Variants in ESF1 observed in about 807,000 individuals in gnomAD.
ESF1 encodes ESF1 nucleolar pre-rRNA processing protein, also known as ESF1 homolog.
Under a neutral mutation model 92.0 loss-of-function variants are expected in ESF1, and 58 were observed. The observed-to-expected ratio is 0.63, with a 90% CI of 0.51 to 0.78. The LOEUF (loss-of-function observed/expected upper bound fraction) is 0.78, where lower values mean the gene tolerates loss of function less well. Ranked by LOEUF, ESF1 falls within the 30% of genes least tolerant of loss-of-function variation. ESF1 has a pLI of 0.00. For synonymous variants in ESF1, 321 were observed against 313.7 expected (o/e 1.02, Z -0.24); for missense variants, 922 against 989.1 (o/e 0.93, Z 0.91).
intron 9 of ESF1, among the ~76,000 whole-genome samples, chr20:13,754,285 C>A (rs1978778643): frequency 6.6e-6 from 1 of 152,098 alleles, no homozygotes; most frequent in Non-Finnish European, 1.5e-5. Flanking sequence ...GGCTGAATAC[C>A]CCGCAATTCT....
chr20:13,749,897 C>T (rs191764091), intron 9 of ESF1, among the ~76,000 whole-genome samples: 16 of 152,134 alleles, frequency 1.1e-4, no homozygotes, highest in Non-Finnish European at 2.2e-4. Flanking sequence ...CATTTGATTA[C>T]AGCTATCCCA....
intron 2 of ESF1, among the ~76,000 whole-genome samples, chr20:13,777,076 T>G (rs1022141903): frequency 1.3e-4 from 20 of 152,204 alleles, no homozygotes; most frequent in Admixed American, 1.3e-4. Context: ...ACTTGCATAT[T>G]GAGGAGATCA....
chr20:13,717,635 G>A (rs950688471), intron 12 of ESF1, 121 bp from the exon 13 acceptor site: 17 of 1,040,954 alleles, frequency 1.6e-5, no homozygotes, highest in Admixed American at 5.0e-5. Flanking sequence ...GAACTCTGGG[G>A]TACCACCTGT....
intron 9 of ESF1, among the ~76,000 whole-genome samples, chr20:13,735,342 T>C (rs2049969496): frequency 6.6e-6 from 1 of 152,154 alleles, no homozygotes. Flanking sequence ...GATTTGTTTT[T>C]ATGACATACT....
intron 2 of ESF1, 100 bp downstream of exon 2, chr20:13,782,401 CATA>C: frequency 1.0e-6 from 1 of 998,314 alleles, no homozygotes; most frequent in Non-Finnish European, 1.4e-6. Flanking sequence ...TTGACCATTC[CATA>C]ATACTATGAA....
chr20:13,774,285 T>TGC (rs5840577), intron 4 of ESF1, among the ~76,000 whole-genome samples: 1 of 141,886 alleles, frequency 7.0e-6, no homozygotes, highest in African/African-American at 2.6e-5. Context: ...AAATCCAAAA[T>TGC]TCCAAACTTT....
chr20:13,749,766 C>G (rs923679574), intron 9 of ESF1, among the ~76,000 whole-genome samples: 5 of 151,766 alleles, frequency 3.3e-5, no homozygotes, highest in African/African-American at 4.8e-5. Flanking sequence ...GGGGTTTCAC[C>G]ATGTTGGCCA....
rs1010295250 is a variant in ESF1 at position 13,775,497 on chromosome 20, T to A, written c.1036-227A>T. On this transcript the variant is annotated intron_variant, in intron 3 of 13. Transcript: ENST00000617257. ...TCTTACTTGGTTCTTAATTCTTAAA[T>A]CAGAACATGATCATGAGCTGATTTT... Among the ~76,000 whole-genome samples, 12 of 152,316 alleles carry A rather than the reference T, an allele frequency of 7.9e-5. 1 individual carries two copies. The highest frequency in any genetic ancestry group is 6.8e-3 in the Middle Eastern group (2 of 294).
chr20:13,759,090 G>A (rs1241247467), intron 9 of ESF1, among the ~76,000 whole-genome samples: 4 of 152,090 alleles, frequency 2.6e-5, no homozygotes, highest in African/African-American at 7.2e-5. Flanking sequence ...GTATCTTATT[G>A]TACTATACTG....
chr20:13,718,754 T>TAAAAAACAAAAAACAAAAAACA (rs77388094), intron 12 of ESF1, among the ~76,000 whole-genome samples, 154 bp downstream of exon 12: 1 of 152,242 alleles, frequency 6.6e-6, no homozygotes, highest in South Asian at 2.1e-4. Flanking sequence ...ATTTAGAAAC[T>TAAAAAACAAAAAACAAAAAACA]ACACTGCTAA....
Position 13,782,594 on chromosome 20 carries a change from C to A in ESF1, c.547G>T (p.Glu183Ter). Reference sequence around the variant, plus strand: ...CCTGAGTCTAATGTCCTTTGTTTTTCTTCGAGAGAAGAGTCTGTAGTATGT... The same window carrying A: ...CCTGAGTCTAATGTCCTTTGTTTTTATTCGAGAGAAGAGTCTGTAGTATGT... ...VQHTTDSSLE[E>*]KQRTLDSGTS... The change falls in exon 2 of 14, where the codon GAA (glutamate) becomes TAA (stop). Residue 183 changes from glutamate to a stop codon, truncating the protein, a stop_gained. Coordinates refer to ENST00000617257, the MANE Select transcript of ESF1 (RefSeq NM_001276380.2). LOFTEE classifies it high-confidence loss of function. 1 of 1,595,280 alleles carries A rather than the reference C, an allele frequency of 6.3e-7. No individual in the cohort carries two copies. The highest frequency in any genetic ancestry group is 2.3e-5 in the East Asian group (1 of 44,402).
At chr20:13,748,497 CATATATACACAT>C (rs1466445221) in intron 9 of ESF1, among the ~76,000 whole-genome samples, 75 of 138,902 alleles carry the variant, frequency 5.4e-4, no homozygotes, top group Non-Finnish European at 8.1e-4. Context: ...CATATATATA[CATATATACACAT>C]ATATATACAC....
chr20:13,740,906 C>T (rs888122772), intron 9 of ESF1, among the ~76,000 whole-genome samples: 5 of 152,104 alleles, frequency 3.3e-5, no homozygotes, highest in Admixed American at 6.5e-5. Flanking sequence ...AGTAAAATTG[C>T]CCCTTCCCAG....
In ESF1 at chr20:13,714,981, T is replaced by G. The variant is rs2147710725; in HGVS notation, c.2449A>C (p.Lys817Gln). The G allele has an allele frequency of 2.5e-6, 4 of 1,614,108 alleles. No homozygotes were observed. The Middle Eastern group carries it at 6.6e-4, about 266-fold the overall frequency. ...AIKKKESEIE[K>Q]ESQRKSIDPA... ...TCAATGGACTTCCTTTGTGATTCCT[T>G]TTCAATCTCACTCTCTTTTTTCTTT... The change falls in exon 14 of 14, where the codon AAG becomes CAG. Residue 817 changes from lysine to glutamine, a missense_variant. Transcript: ENST00000617257.
chr20:13,717,305 C>T (rs2049835693), intron 13 of ESF1, 63 bp downstream of exon 13: 1 of 1,583,066 alleles, frequency 6.3e-7, no homozygotes, highest in Non-Finnish European at 8.6e-7. Flanking sequence ...CAATTTCTAT[C>T]TGCAGAGCTG....
At position 13,764,263 on chromosome 20, in the gene ESF1, A is replaced by G. The variant is rs148024318; in HGVS notation, c.1666+2514T>C. Among the ~76,000 whole-genome samples, 11 of 152,304 alleles carry G rather than the reference A, an allele frequency of 7.2e-5. No homozygotes were observed. In the East Asian group the frequency reaches 2.1e-3, roughly 29 times the overall value. Reference sequence around the variant, plus strand: ...TACTCATAATTTTTCATGATTGGCAATTCTATTAGATAAGAAGAATGAAGA... The same window carrying G: ...TACTCATAATTTTTCATGATTGGCAGTTCTATTAGATAAGAAGAATGAAGA... On this transcript the variant is annotated intron_variant, in intron 8 of 13. Coordinates refer to ENST00000617257, the MANE Select transcript of ESF1 (RefSeq NM_001276380.2).
chr20:13,766,490 G>A (rs1979431037), intron 8 of ESF1, among the ~76,000 whole-genome samples: 2 of 152,096 alleles, frequency 1.3e-5, no homozygotes, highest in African/African-American at 4.8e-5. Flanking sequence ...GCAAATGAGG[G>A]GAGATGCCTA....
intron 8 of ESF1, among the ~76,000 whole-genome samples, chr20:13,761,437 C>A (rs1420227901): frequency 1.3e-5 from 2 of 149,454 alleles, no homozygotes; most frequent in African/African-American, 4.9e-5. Flanking sequence ...AAGAAGATGG[C>A]ATTTTATCCC....
intron 5 of ESF1, among the ~76,000 whole-genome samples, chr20:13,772,100 A>G (rs1285226231): frequency 2.0e-5 from 3 of 151,834 alleles, no homozygotes; most frequent in African/African-American, 4.8e-5. Context: ...TGATGATAAA[A>G]AAAAAAGTTT....
Sources: gnomAD v4.1 joint callset for allele counts (sites outside exome capture counted in the v4.1 genomes callset) on GRCh38, gnomAD v4.1.1 for gene constraint, MANE v1.5 for transcripts, NCBI Gene and HGNC (gene_info 2026-07-23, HGNC 2026-07-21) for gene names.